STAG1: variants seen among roughly 807,000 people sequenced by gnomAD.
STAG1 encodes cohesin subunit SA-1.
In STAG1, 26 loss-of-function variants were observed where a neutral mutation model predicts 170.9. The ratio of observed to expected loss-of-function variants is 0.15; its 90% CI spans 0.11 to 0.21. STAG1 has a LOEUF of 0.21. Among genes scored for constraint, STAG1 ranks in the 10% least tolerant of loss-of-function variants. The pLI is 1.00. For synonymous variants in STAG1, 514 were observed against 497.7 expected, an observed-to-expected ratio of 1.03 and a Z score of -0.44; for missense variants, 964 against 1,509.5, an observed-to-expected ratio of 0.64 and a Z score of 5.99.
intron 1 of STAG1, among the ~76,000 whole-genome samples, chr3:136,713,411 C>T (rs767905670): frequency 5.9e-5 from 9 of 151,622 alleles, no homozygotes; most frequent in Non-Finnish European, 1.2e-4. Flanking sequence ...GGTAAAATCC[C>T]GACTCTACTA....
At chr3:136,469,981 A>G (rs1263587737) in intron 12 of STAG1, among the ~76,000 whole-genome samples, 1 of 152,262 alleles carries the variant, frequency 6.6e-6, no homozygotes, top group East Asian at 1.9e-4. Context: ...TAGAAAAATT[A>G]ATTCAAGATG....
chr3:136,627,384 T>TG (rs1940151937), intron 2 of STAG1, among the ~76,000 whole-genome samples: 1 of 152,234 alleles, frequency 6.6e-6, no homozygotes, highest in Non-Finnish European at 1.5e-5. Context: ...CATAAATATT[T>TG]AGGCTTTTGC....
chr3:136,733,062 T>C (rs895474614), intron 1 of STAG1, among the ~76,000 whole-genome samples: 4 of 151,254 alleles, frequency 2.6e-5, no homozygotes, highest in African/African-American at 9.7e-5. Flanking sequence ...CAACACAATA[T>C]AGTCTAGTGG....
rs755198646 is a variant in STAG1, at chr3:136,477,425, A to C, written c.903-13T>G. ...AGCAATAGCATCACTAGAGAGAGAA[A>C]AAAAAGACAATCTCAAATTAATATA... On this transcript the variant is annotated splice_polypyrimidine_tract_variant and intron_variant, in intron 9 of 33. Transcript: ENST00000383202. The C allele has an allele frequency of 9.4e-6, 15 of 1,587,746 alleles. No individual in the cohort carries two copies. The South Asian group carries it at 1.7e-4, about 18-fold the overall frequency.
chr3:136,412,244 GAATA>G (rs2087644646), intron 21 of STAG1, among the ~76,000 whole-genome samples: 2 of 152,018 alleles, frequency 1.3e-5, no homozygotes, highest in Admixed American at 1.3e-4. Context: ...GTGAATGAAT[GAATA>G]AATGGAGAAA....
intron 1 of STAG1, among the ~76,000 whole-genome samples, chr3:136,645,439 C>T (rs1346924219): frequency 1.3e-5 from 2 of 152,160 alleles, no homozygotes; most frequent in African/African-American, 4.8e-5. Context: ...TCTGCTCATA[C>T]CACTCTCCAT....
chr3:136,526,952 T>G (rs1195955675), intron 6 of STAG1, among the ~76,000 whole-genome samples: 1 of 152,226 alleles, frequency 6.6e-6, no homozygotes, highest in Non-Finnish European at 1.5e-5. Context: ...CAGTTTCTGC[T>G]GAGAAATCCA....
chr3:136,405,108 T>A (rs1467509012), intron 21 of STAG1, among the ~76,000 whole-genome samples: 15 of 152,050 alleles, frequency 9.9e-5, no homozygotes, highest in Non-Finnish European at 2.2e-4. Flanking sequence ...TTAGACTGGG[T>A]TAATATGAGC....
At chr3:136,750,196 T>C (rs1249234481) in intron 1 of STAG1, among the ~76,000 whole-genome samples, 2 of 151,144 alleles carry the variant, frequency 1.3e-5, no homozygotes, top group East Asian at 3.8e-4. Flanking sequence ...TTTTATTTTT[T>C]TAAAGAGATG....
chr3:136,658,823 T>C (rs963592914), intron 1 of STAG1, among the ~76,000 whole-genome samples: 2 of 152,212 alleles, frequency 1.3e-5, no homozygotes, highest in South Asian at 2.1e-4. Flanking sequence ...TGTGCCATTT[T>C]CCATGGCTCT....
intron 23 of STAG1, among the ~76,000 whole-genome samples, chr3:136,373,274 T>C (rs1937445858): frequency 1.3e-5 from 2 of 152,180 alleles, no homozygotes; most frequent in African/African-American, 4.8e-5. Flanking sequence ...GGTCTATCAA[T>C]TTTGTTGATT....
At chr3:136,690,995 T>C (rs1942703153) in intron 1 of STAG1, among the ~76,000 whole-genome samples, 1 of 151,532 alleles carries the variant, frequency 6.6e-6, no homozygotes, top group Non-Finnish European at 1.5e-5. Flanking sequence ...TTTCTTTCTT[T>C]TCACAAAAAG....
At chr3:136,492,518 A>G (rs953766835) in intron 9 of STAG1, among the ~76,000 whole-genome samples, 1 of 152,198 alleles carries the variant, frequency 6.6e-6, no homozygotes, top group Non-Finnish European at 1.5e-5. Context: ...TCTCACTTGA[A>G]AAAAGTAAAT....
chr3:136,384,227 G>A (rs1938137986), intron 22 of STAG1, among the ~76,000 whole-genome samples: 1 of 151,732 alleles, frequency 6.6e-6, no homozygotes, highest in Admixed American at 6.6e-5. Flanking sequence ...GAGGTGAGTG[G>A]ATCACCTGAG....
chr3:136,741,109 A>G (rs906762698), intron 1 of STAG1, among the ~76,000 whole-genome samples: 1 of 152,218 alleles, frequency 6.6e-6, no homozygotes, highest in African/African-American at 2.4e-5. Context: ...TCCTGGAAGA[A>G]AGACATGTCC....
At chr3:136,603,684 A>G (rs987527442) in intron 4 of STAG1, among the ~76,000 whole-genome samples, 1 of 152,170 alleles carries the variant, frequency 6.6e-6, no homozygotes, top group Admixed American at 6.5e-5. Flanking sequence ...GCAGATCGAG[A>G]TCATCCTGGG....
chr3:136,411,037 C>T (rs2087610548), intron 21 of STAG1, among the ~76,000 whole-genome samples: 1 of 152,160 alleles, frequency 6.6e-6, no homozygotes. Context: ...CTTGGGCAGA[C>T]AAGCGGGGAG....
intron 6 of STAG1, among the ~76,000 whole-genome samples, chr3:136,526,621 A>T (rs1466429864): frequency 6.6e-6 from 1 of 152,132 alleles, no homozygotes; most frequent in African/African-American, 2.4e-5. Flanking sequence ...GTTATGTGTG[A>T]ATTTGATCCT....
intron 2 of STAG1, among the ~76,000 whole-genome samples, chr3:136,628,206 T>C (rs1940188628): frequency 6.6e-6 from 1 of 152,050 alleles, no homozygotes; most frequent in Non-Finnish European, 1.5e-5. Flanking sequence ...TCTCTCCTGC[T>C]GTCTTGTGAA....
Sources: allele counts gnomAD v4.1 joint callset (sites outside exome capture counted in the v4.1 genomes callset), GRCh38; gene constraint gnomAD v4.1.1; transcripts MANE v1.5; gene names NCBI Gene and HGNC (gene_info 2026-07-23, HGNC 2026-07-21).